The following DOCK2 variants were observed in gnomAD, a reference collection of about 807,000 sequenced individuals.
DOCK2 encodes the protein dedicator of cytokinesis 2, also known as dedicator of cytokinesis protein 2.
Under a neutral mutation model 248.9 loss-of-function variants are expected in DOCK2, and 87 were observed. That is an observed-to-expected ratio of 0.35 (90% CI 0.29 to 0.42). The LOEUF (loss-of-function observed/expected upper bound fraction) is 0.42. Among genes scored for constraint, DOCK2 ranks in the 10% least tolerant of loss-of-function variants. DOCK2 has a pLI of 1.00. For synonymous variants in DOCK2, 805 were observed against 821.6 expected, an observed-to-expected ratio of 0.98 and a Z score of 0.35; for missense variants, 1,747 against 2,300.2, an observed-to-expected ratio of 0.76 and a Z score of 4.92.
Position 169,708,276 on chromosome 5 carries a change from T to G in DOCK2, c.1482+9T>G. The G allele has an allele frequency of 6.2e-7, 1 of 1,611,762 alleles. No homozygotes were observed. The highest frequency in any genetic ancestry group is 8.5e-7 in the Non-Finnish European group (1 of 1,178,624). On this transcript the variant is annotated intron_variant, in intron 15 of 51. Transcript: ENST00000520908. ...GGATGGAAACAGTCAAGGTAATAAT[T>G]AATAATAGCAGCAAACACATGTCTA...
In DOCK2 at chr5:169,704,759, A is replaced by G. The variant is rs200039429; in HGVS notation, c.1383+2332A>G. Among the ~76,000 whole-genome samples, 332 of 140,014 alleles carry G rather than the reference A, an allele frequency of 2.4e-3. 10 individuals carry two copies. In the East Asian group the frequency reaches 0.052, roughly 22 times the overall value. The allele number at this position is 140,014 out of a possible 152,430, so 91.9% of individuals were successfully genotyped here. On this transcript the variant is annotated intron_variant, in intron 14 of 51. Transcript: ENST00000520908. ...AAAACATCTCATTTACTCCATATATATGTGTGTGTGTGTGTGTGTGTGTGT... is the reference window on the plus strand; with the variant it reads ...AAAACATCTCATTTACTCCATATATGTGTGTGTGTGTGTGTGTGTGTGTGT...
At chr5:170,059,762 G>A (rs977723425) in intron 44 of DOCK2, among the ~76,000 whole-genome samples, 2 of 152,158 alleles carry the variant, frequency 1.3e-5, no homozygotes, top group Non-Finnish European at 2.9e-5. Context: ...CAATCAATAT[G>A]CAGACACCCG....
chr5:169,658,338 G>A (rs1581398621), intron 2 of DOCK2, among the ~76,000 whole-genome samples: 2 of 151,904 alleles, frequency 1.3e-5, no homozygotes, highest in Admixed American at 1.3e-4. Flanking sequence ...AAATTAGCCG[G>A]GCGTGGTGGC....
intron 27 of DOCK2, among the ~76,000 whole-genome samples, chr5:169,955,255 A>G (rs1332429232): frequency 6.6e-6 from 1 of 152,138 alleles, no homozygotes; most frequent in African/African-American, 2.4e-5. Flanking sequence ...GGGACCACAC[A>G]GGACAGAAGG....
chr5:169,932,778 T>C (rs892264555), intron 27 of DOCK2, among the ~76,000 whole-genome samples: 2 of 152,120 alleles, frequency 1.3e-5, no homozygotes, highest in Non-Finnish European at 2.9e-5. Context: ...ATACAAACAC[T>C]CACCTATGCA....
At chr5:169,760,557 C>A (rs1764429947) in intron 24 of DOCK2, among the ~76,000 whole-genome samples, 1 of 152,096 alleles carries the variant, frequency 6.6e-6, no homozygotes, top group African/African-American at 2.4e-5. Context: ...AAGATTTTTG[C>A]TAGCTCCTTC....
intron 13 of DOCK2, among the ~76,000 whole-genome samples, chr5:169,701,804 T>C (rs748476458): frequency 1.6e-4 from 24 of 152,302 alleles, no homozygotes; most frequent in Admixed American, 9.8e-4. Flanking sequence ...AGGCATGAGC[T>C]ACCTGTGTCT....
At chr5:170,054,205 C>A (rs1283613412) in intron 41 of DOCK2, among the ~76,000 whole-genome samples, 3 of 152,058 alleles carry the variant, frequency 2.0e-5, no homozygotes, top group African/African-American at 7.3e-5. Context: ...TGAATGCTAG[C>A]CAGAGGAGTT....
intron 26 of DOCK2, among the ~76,000 whole-genome samples, chr5:169,810,985 TCTCTCACACA>T (rs961861973): frequency 5.8e-4 from 45 of 77,464 alleles, no homozygotes; most frequent in African/African-American, 2.2e-3. Context: ...TCTCTCTCTC[TCTCTCACACA>T]CACACACACA....
chr5:169,762,175 C>T (rs1189179261), intron 25 of DOCK2, among the ~76,000 whole-genome samples: 4 of 151,950 alleles, frequency 2.6e-5, no homozygotes, highest in Admixed American at 2.6e-4. Flanking sequence ...CCCTCCAGAC[C>T]CTGTGCATGG....
At chr5:169,949,627 T>C (rs1182087) in intron 27 of DOCK2, among the ~76,000 whole-genome samples, 6,510 of 135,472 alleles carry the variant, frequency 0.048, 396 homozygotes, top group African/African-American at 0.16. Flanking sequence ...CATGATCAGG[T>C]TAGAATTTGA....
chr5:170,082,326 A>C (rs1357867096), intron 51 of DOCK2, among the ~76,000 whole-genome samples: 1 of 152,132 alleles, frequency 6.6e-6, no homozygotes, highest in African/African-American at 2.4e-5. Context: ...CAAATTGAAC[A>C]TTAGTTTCCA....
In DOCK2 at chr5:169,803,745, G is replaced by A. The variant is rs138944049; in HGVS notation, c.2703+539G>A. The stretch of plus-strand genomic sequence containing the variant: ...TGAAGTTACTGTGTATTTTGTAGAC[G>A]TCATTCAGAGATTAGCTGGGGACGG... On this transcript the variant is annotated intron_variant, in intron 26 of 51. Coordinates refer to ENST00000520908, the MANE Select transcript of DOCK2 (RefSeq NM_004946.3). 5.5e-3 allele frequency among the ~76,000 whole-genome samples: 837 copies of A among 152,246 alleles called. 8 individuals carry two copies. Among genetic ancestry groups the A allele is most frequent in the Non-Finnish European group, 8.2e-3 (555 of 68,018 alleles).
At chr5:169,917,717 A>G (rs1774953695) in intron 27 of DOCK2, among the ~76,000 whole-genome samples, 1 of 152,204 alleles carries the variant, frequency 6.6e-6, no homozygotes, top group Non-Finnish European at 1.5e-5. Context: ...CACAGGGAAG[A>G]TAATTGAAGA....
chr5:169,987,998 C>T (rs1484083974), intron 29 of DOCK2, among the ~76,000 whole-genome samples: 2 of 151,856 alleles, frequency 1.3e-5, no homozygotes, highest in South Asian at 2.1e-4. Flanking sequence ...TTTGTGTGTA[C>T]GAGGATAGAA....
chr5:169,671,207 A>ATCTTCTT, intron 5 of DOCK2, 33 bp downstream of exon 5: 1 of 1,591,048 alleles, frequency 6.3e-7, no homozygotes, highest in Non-Finnish European at 8.6e-7. Context: ...CTGAGTTGGA[A>ATCTTCTT]GCTTCTTGCA....
At chr5:169,919,951 C>T (rs1286324655) in intron 27 of DOCK2, among the ~76,000 whole-genome samples, 2 of 152,230 alleles carry the variant, frequency 1.3e-5, no homozygotes, top group Non-Finnish European at 2.9e-5. Context: ...TGCCAAGTAA[C>T]TACACTTTGT....
At chr5:169,758,103 C>T (rs1033615188) in intron 23 of DOCK2, among the ~76,000 whole-genome samples, 5 of 152,042 alleles carry the variant, frequency 3.3e-5, no homozygotes, top group African/African-American at 9.7e-5. Context: ...TTGACAATAG[C>T]ATGGAGCCTA....
At chr5:170,022,593 C>T (rs1194074963) in intron 33 of DOCK2, among the ~76,000 whole-genome samples, 1 of 152,124 alleles carries the variant, frequency 6.6e-6, no homozygotes, top group Non-Finnish European at 1.5e-5. Context: ...TGTGGAAGGA[C>T]AGTTTCAGCA....
Sources: gnomAD v4.1 joint callset for allele counts (sites outside exome capture counted in the v4.1 genomes callset) on GRCh38, gnomAD v4.1.1 for gene constraint, MANE v1.5 for transcripts, NCBI Gene and HGNC (gene_info 2026-07-23, HGNC 2026-07-21) for gene names.